The following CAPRIN1 variants were observed in gnomAD, a reference collection of about 807,000 sequenced individuals.
The protein encoded by CAPRIN1 is cell cycle associated protein 1, also known as caprin-1.
A neutral mutation model predicts 100.9 loss-of-function variants in CAPRIN1; 29 were observed. That is an observed-to-expected ratio of 0.29 (90% confidence interval 0.21 to 0.39). CAPRIN1 has a LOEUF of 0.39. CAPRIN1 is among the 10% of genes least tolerant of loss of function. The pLI, the probability that CAPRIN1 is intolerant of heterozygous loss-of-function variation, is 1.00. For missense variants in CAPRIN1, 795 were observed against 876.7 expected (o/e 0.91, Z 1.18); for synonymous variants, 338 against 307.5 (o/e 1.10, Z -1.04).
chr11:34,067,505 A>T (rs370183514), intron 2 of CAPRIN1, among the ~76,000 whole-genome samples: 112 of 148,008 alleles, frequency 7.6e-4, no homozygotes, highest in African/African-American at 2.5e-3. Context: ...TTTTTTTTTT[A>T]ATTTTTATTT....
chr11:34,081,930 G>T lies in CAPRIN1; in HGVS notation c.827-895G>T, dbSNP rs142995620. Among the ~76,000 whole-genome samples, 244 of 152,188 alleles carry T rather than the reference G, an allele frequency of 1.6e-3. 2 individuals are homozygous for T. Among genetic ancestry groups the T allele is most frequent in the African/African-American group, 5.8e-3 (239 of 41,542 alleles). The stretch of plus-strand genomic sequence containing the variant: ...GGGTTCAAGCGATTCTCATGCCTCA[G>T]CCTTCCCAGTAGCTGGTATTACAGG... On this transcript the variant is annotated intron_variant, in intron 7 of 18. Transcript: ENST00000341394.
Position 34,098,151 on chromosome 11 carries a change from T to C in CAPRIN1, c.2065+390T>C, listed in dbSNP as rs1032238628. 13 of 1,005,546 alleles carry C rather than the reference T, an allele frequency of 1.3e-5. No individual in the cohort carries two copies. The Admixed American group carries it at 2.1e-4, about 16-fold the overall frequency. The allele number at this position is 1,005,546 out of a possible 1,614,324, so 62.3% of individuals were successfully genotyped here. A position where few individuals can be genotyped will look rare whatever the true frequency, so the allele number is the denominator to read the frequency against. ...ATTTATTATTCCTCTTTCATTTTTT[T>C]GAAACATGCCTATTATATTTTAGGG... On this transcript the variant is annotated intron_variant, in intron 18 of 18. Coordinates refer to ENST00000341394, the MANE Select transcript of CAPRIN1 (RefSeq NM_005898.5).
At chr11:34,068,710 A>C (rs1038112179) in intron 2 of CAPRIN1, among the ~76,000 whole-genome samples, 2 of 152,226 alleles carry the variant, frequency 1.3e-5, no homozygotes, top group Admixed American at 1.3e-4. Flanking sequence ...ATTGCACAGT[A>C]GTTAAGTGTA....
chr11:34,070,956 C>T (rs1021160696), intron 2 of CAPRIN1, among the ~76,000 whole-genome samples: 15 of 152,128 alleles, frequency 9.9e-5, no homozygotes, highest in Admixed American at 9.2e-4. Flanking sequence ...CCCACCTTGG[C>T]CTCCCAAAGT....
intron 4 of CAPRIN1, among the ~76,000 whole-genome samples, chr11:34,073,469 G>C (rs1354640224): frequency 6.6e-6 from 1 of 152,102 alleles, no homozygotes; most frequent in Non-Finnish European, 1.5e-5. Context: ...TGTTTGTCTT[G>C]TTTTGAGACA....
At chr11:34,054,581 C>A (rs530450248) in intron 2 of CAPRIN1, among the ~76,000 whole-genome samples, 2 of 152,136 alleles carry the variant, frequency 1.3e-5, no homozygotes, top group African/African-American at 4.8e-5. Flanking sequence ...GTGCCTGCCA[C>A]CACGCCCAGC....
intron 2 of CAPRIN1, among the ~76,000 whole-genome samples, chr11:34,069,924 A>AT (rs1491037735): frequency 1.5e-5 from 2 of 133,372 alleles, no homozygotes; most frequent in African/African-American, 5.4e-5. Flanking sequence ...AAAAAAAAAA[A>AT]AGAAAAAACA....
chr11:34,082,852 A>T lies in CAPRIN1; in HGVS notation c.854A>T (p.Glu285Val), dbSNP rs1851060833. The change falls in exon 8 of 19, where the codon GAG (glutamate) becomes GTG (valine). Residue 285 changes from glutamate (E) to valine (V), a missense_variant. Around this residue, in one of 3 missense-constraint regions of CAPRIN1, gnomAD observed 648 missense variants for 697.9 expected, o/e 0.93. Coordinates refer to ENST00000341394, the MANE Select transcript of CAPRIN1 (RefSeq NM_005898.5). ...AEPEPAEEYT[E>V]QSEVESTEYV... ...CCTGAGCCAGCAGAAGAGTACACTGAGCAAAGTGAAGTTGAATCAACAGAG... is the reference window on the plus strand; with the variant it reads ...CCTGAGCCAGCAGAAGAGTACACTGTGCAAAGTGAAGTTGAATCAACAGAG... The T allele has an allele frequency of 6.2e-7, 1 of 1,613,866 alleles. No individual in the cohort carries two copies. The highest frequency in any genetic ancestry group is 1.3e-5 in the African/African-American group (1 of 74,926).
intron 9 of CAPRIN1, 51 bp downstream of exon 9, chr11:34,083,092 T>G: frequency 1.7e-6 from 2 of 1,209,826 alleles, no homozygotes; most frequent in Non-Finnish European, 2.5e-6. Context: ...CAGTTAGTAA[T>G]TTTTATCTCT....
At chr11:34,068,564 A>T (rs998866845) in intron 2 of CAPRIN1, among the ~76,000 whole-genome samples, 3 of 152,236 alleles carry the variant, frequency 2.0e-5, no homozygotes, top group African/African-American at 7.2e-5. Context: ...AGCTTGTCCT[A>T]CTATAGGATA....
At chr11:34,089,518 G>A (rs1241868359) in intron 12 of CAPRIN1, 62 bp downstream of exon 12, 6 of 962,216 alleles carry the variant, frequency 6.2e-6, no homozygotes, top group Non-Finnish European at 9.9e-6. Flanking sequence ...TATAATCCTA[G>A]TACTTTAGGA....
At chr11:34,099,282 A>C in intron 18 of CAPRIN1, 21 bp from the exon 19 acceptor site, 1 of 1,612,820 alleles carries the variant, frequency 6.2e-7, no homozygotes, top group Non-Finnish European at 8.5e-7. Flanking sequence ...AGAAAAATCA[A>C]ATGCCATTTT....
At chr11:34,062,517 C>T (rs932096487) in intron 2 of CAPRIN1, among the ~76,000 whole-genome samples, 6 of 150,212 alleles carry the variant, frequency 4.0e-5, no homozygotes, top group Admixed American at 6.7e-5. Flanking sequence ...CCCAGCTACT[C>T]GGGAGGCTGA....
intron 14 of CAPRIN1, among the ~76,000 whole-genome samples, chr11:34,091,200 A>T (rs1355288117): frequency 6.6e-6 from 1 of 152,262 alleles, no homozygotes; most frequent in African/African-American, 2.4e-5. Flanking sequence ...CTTTTGATTA[A>T]TATGTTAATA....
At chr11:34,067,712 T>C (rs1850726786) in intron 2 of CAPRIN1, among the ~76,000 whole-genome samples, 1 of 152,166 alleles carries the variant, frequency 6.6e-6, no homozygotes, top group South Asian at 2.1e-4. Context: ...TTGTCCAGGC[T>C]GGTCTTGAAC....
chr11:34,095,786 G>T (rs1254714978), intron 15 of CAPRIN1: 1 of 152,186 alleles, frequency 6.6e-6, no homozygotes. Flanking sequence ...GTCCATTGTG[G>T]ATGGAGCTTG....
At position 34,097,286 on chromosome 11, in the gene CAPRIN1, G is replaced by A; in HGVS notation, c.1991G>A (p.Gly664Asp). The A allele has an allele frequency of 6.2e-7, 1 of 1,608,732 alleles. No individual in the cohort carries two copies. Among genetic ancestry groups the A allele is most frequent in the East Asian group, 2.2e-5 (1 of 44,838 alleles). The change falls in exon 17 of 19, where the codon GGC (glycine) becomes GAC (aspartate). Residue 664 changes from glycine to aspartate, a missense_variant. Physicochemically the swap from Gly to Asp is moderately conservative, Grantham distance 94 (BLOSUM62 -1). Around this residue, in one of 3 missense-constraint regions of CAPRIN1, gnomAD observed 648 missense variants for 697.9 expected, o/e 0.93. Coordinates refer to ENST00000341394, the MANE Select transcript of CAPRIN1 (RefSeq NM_005898.5). ...SQFSAPRDYS[G>D]YQRDGYQQNF... ...TTCAGTGCTCCCCGGGATTACTCTG[G>A]CTATCAACGGGTAGGTAAAGTAGTT...
intron 18 of CAPRIN1, chr11:34,097,982 T>C (rs1179553318): frequency 1.6e-6 from 2 of 1,261,882 alleles, no homozygotes; most frequent in African/African-American, 3.0e-5. Context: ...TCTTGAAAAC[T>C]AGAACATATT....
chr11:34,072,756 G>A lies in CAPRIN1; in HGVS notation c.366+769G>A, dbSNP rs149501153. Among the ~76,000 whole-genome samples the A allele has an allele frequency of 1.7e-4, 26 of 152,268 alleles. 1 individual carries two copies. In the East Asian group the frequency reaches 5.0e-3, roughly 29 times the overall value. On this transcript the variant is annotated intron_variant, in intron 4 of 18. Coordinates refer to ENST00000341394, the MANE Select transcript of CAPRIN1 (RefSeq NM_005898.5). The stretch of plus-strand genomic sequence containing the variant: ...ATCTGAATAAGTGTCATCTTCTTTG[G>A]AGAAGACTAATAACATTGAAATACA...
Sources: gnomAD v4.1 joint callset for allele counts (sites outside exome capture counted in the v4.1 genomes callset) on GRCh38, gnomAD v4.1.1 for gene constraint, gnomAD v4.1.1 regional missense constraint, MANE v1.5 for transcripts, NCBI Gene and HGNC (gene_info 2026-07-23, HGNC 2026-07-21) for gene names.